EPHA5: variants seen among roughly 807,000 people sequenced by gnomAD.
EPHA5 encodes ephrin type-A receptor 5.
A neutral mutation model predicts 105.0 loss-of-function variants in EPHA5; 60 were observed. That is an observed-to-expected ratio of 0.57 (90% CI 0.46 to 0.71). The LOEUF is 0.71. Among genes scored for constraint, EPHA5 ranks in the 30% least tolerant of loss-of-function variants. The pLI is 0.00. For missense variants in EPHA5, 1,218 were observed against 1,274.7 expected, an observed-to-expected ratio of 0.96 and a Z score of 0.68; for synonymous variants, 513 against 449.1, an observed-to-expected ratio of 1.14 and a Z score of -1.80.
At chr4:65,505,511 T>A (rs1732921334) in intron 3 of EPHA5, among the ~76,000 whole-genome samples, 1 of 152,098 alleles carries the variant, frequency 6.6e-6, no homozygotes, top group African/African-American at 2.4e-5. Context: ...GACTTTTAAA[T>A]TTTAAGTGAT....
At chr4:65,450,213 G>C (rs922916855) in intron 5 of EPHA5, among the ~76,000 whole-genome samples, 12 of 152,180 alleles carry the variant, frequency 7.9e-5, no homozygotes, top group African/African-American at 2.4e-4. Flanking sequence ...GATTGTGAGA[G>C]AGAAGAAATT....
At chr4:65,554,548 ATAAT>A (rs1164466685) in intron 3 of EPHA5, among the ~76,000 whole-genome samples, 3 of 151,460 alleles carry the variant, frequency 2.0e-5, no homozygotes, top group Non-Finnish European at 4.4e-5. Flanking sequence ...AAAAATATAA[ATAAT>A]TATAATAAAT....
chr4:65,390,925 T>A (rs1720653553), intron 8 of EPHA5, among the ~76,000 whole-genome samples: 1 of 152,144 alleles, frequency 6.6e-6, no homozygotes, highest in South Asian at 2.1e-4. Context: ...TTCATACTGC[T>A]ATAAAGAACT....
At position 65,596,725 on chromosome 4, in the gene EPHA5, G is replaced by A. The variant is rs193191101; in HGVS notation, c.910+4916C>T. ...ACACACACCAACACAACACACACAGGCACCATTGATATTCTGTACTTCCAT... is the reference window on the plus strand; with the variant it reads ...ACACACACCAACACAACACACACAGACACCATTGATATTCTGTACTTCCAT... On this transcript the variant is annotated intron_variant, in intron 3 of 16. Coordinates refer to ENST00000613740, the MANE Select transcript of EPHA5 (RefSeq NM_001281766.3). Among the ~76,000 whole-genome samples the A allele has an allele frequency of 7.3e-5, 11 of 150,078 alleles. No individual in the cohort carries two copies. The East Asian group carries it at 2.2e-3, about 30-fold the overall frequency.
At chr4:65,481,629 T>C (rs986035575) in intron 5 of EPHA5, among the ~76,000 whole-genome samples, 11 of 152,184 alleles carry the variant, frequency 7.2e-5, no homozygotes, top group Non-Finnish European at 1.6e-4. Flanking sequence ...CAACATCCTC[T>C]TGGGAGCCAA....
intron 3 of EPHA5, among the ~76,000 whole-genome samples, chr4:65,508,028 A>G (rs916805605): frequency 6.6e-6 from 1 of 152,104 alleles, no homozygotes; most frequent in Admixed American, 6.6e-5. Context: ...TCATATAAAT[A>G]TGATGAAAAA....
intron 5 of EPHA5, among the ~76,000 whole-genome samples, chr4:65,436,489 T>TA (rs1725495697): frequency 6.6e-6 from 1 of 151,974 alleles, no homozygotes. Flanking sequence ...ATCTCCTATT[T>TA]TTAAATCACC....
intron 2 of EPHA5, among the ~76,000 whole-genome samples, chr4:65,609,405 T>C (rs756577441): frequency 5.3e-5 from 8 of 152,180 alleles, no homozygotes; most frequent in Admixed American, 1.3e-4. Flanking sequence ...ATTTTCTGTG[T>C]ATGAAATAAA....
intron 3 of EPHA5, among the ~76,000 whole-genome samples, chr4:65,543,231 G>A (rs966132915): frequency 6.6e-6 from 1 of 151,976 alleles, no homozygotes; most frequent in African/African-American, 2.4e-5. Flanking sequence ...GGGCAATCAG[G>A]TAAGAGAAAG....
Position 65,404,348 on chromosome 4 carries a change from T to A in EPHA5, c.1793+26A>T, listed in dbSNP as rs1272482712. 3 of 1,596,086 alleles carry A rather than the reference T, an allele frequency of 1.9e-6. No individual in the cohort carries two copies. The Admixed American group carries it at 5.0e-5, about 27-fold the overall frequency. ...GTGAGGAAGAGATCAGCTGCAGAAC[T>A]TCAGAATCACAGCTTCCTCTCTTAC... is the stretch of plus-strand genomic sequence containing the variant. On this transcript the variant is annotated intron_variant, in intron 8 of 16. Coordinates refer to ENST00000613740, the MANE Select transcript of EPHA5 (RefSeq NM_001281766.3).
chr4:65,345,954 A>G (rs536971428), intron 14 of EPHA5, among the ~76,000 whole-genome samples: 1 of 151,852 alleles, frequency 6.6e-6, no homozygotes, highest in East Asian at 1.9e-4. Flanking sequence ...TTGTATTTTT[A>G]GTAGAGACAG....
intron 1 of EPHA5, among the ~76,000 whole-genome samples, chr4:65,667,400 G>C (rs1358559572): frequency 6.6e-6 from 1 of 152,100 alleles, no homozygotes; most frequent in Non-Finnish European, 1.5e-5. Flanking sequence ...AAGTATAATA[G>C]TGACATATTA....
intron 5 of EPHA5, among the ~76,000 whole-genome samples, chr4:65,469,814 G>T (rs1729110862): frequency 6.6e-6 from 1 of 152,042 alleles, no homozygotes; most frequent in Non-Finnish European, 1.5e-5. Flanking sequence ...GAATATGTAA[G>T]AATTTTAAGA....
chr4:65,353,088 A>C lies in EPHA5; in HGVS notation c.2189T>G (p.Ile730Ser). 1 of 1,560,760 alleles carries C rather than the reference A, an allele frequency of 6.4e-7. No individual in the cohort carries two copies. Among genetic ancestry groups the C allele is most frequent in the Non-Finnish European group, 8.7e-7 (1 of 1,155,750 alleles). ...GVVTKSKPVM[I>S]VTEYMENGSL... The stretch of plus-strand genomic sequence containing the variant: ...GCCATTCTCCATATACTCTGTCACG[A>C]TCATCACTGGTTTACCTGAAAAGAA... The change falls in exon 12 of 17, where the codon ATC becomes AGC. Residue 730 changes from isoleucine to serine, a missense_variant. By Grantham distance (142) the Ile-to-Ser change is moderately radical. This residue lies in a region of EPHA5 where 971 missense variants were observed against 1,013.5 expected (regional missense o/e 0.96). Coordinates refer to ENST00000613740, the MANE Select transcript of EPHA5 (RefSeq NM_001281766.3).
intron 3 of EPHA5, among the ~76,000 whole-genome samples, chr4:65,591,505 T>G (rs1273139940): frequency 6.6e-6 from 1 of 152,056 alleles, no homozygotes; most frequent in African/African-American, 2.4e-5. Context: ...CATACTCATT[T>G]CTCAGAATTA....
intron 8 of EPHA5, among the ~76,000 whole-genome samples, chr4:65,375,774 AACACACACACATAC>A (rs1248023835): frequency 2.4e-5 from 3 of 123,688 alleles, no homozygotes; most frequent in African/African-American, 3.3e-5. Flanking sequence ...ATAGCACAGA[AACACACACACATAC>A]ACACACACAC....
At chr4:65,400,636 T>C (rs1721721910) in intron 8 of EPHA5, among the ~76,000 whole-genome samples, 1 of 152,084 alleles carries the variant, frequency 6.6e-6, no homozygotes, top group South Asian at 2.1e-4. Flanking sequence ...GATTAAAAAG[T>C]CTCTATATTT....
At chr4:65,576,047 AAAG>A (rs1740922046) in intron 3 of EPHA5, among the ~76,000 whole-genome samples, 9 of 108,638 alleles carry the variant, frequency 8.3e-5, no homozygotes, top group African/African-American at 2.2e-4. Flanking sequence ...AGAAAGAAAG[AAAG>A]AAAGAAAGAA....
intron 5 of EPHA5, among the ~76,000 whole-genome samples, chr4:65,432,751 A>T (rs541284789): frequency 9.9e-5 from 15 of 151,978 alleles, no homozygotes; most frequent in Non-Finnish European, 1.9e-4. Flanking sequence ...TATTTATTTA[A>T]TTAATAAAAT....
Sources: gnomAD v4.1 joint callset for allele counts (sites outside exome capture counted in the v4.1 genomes callset) on GRCh38, gnomAD v4.1.1 for gene constraint, gnomAD v4.1.1 regional missense constraint, MANE v1.5 for transcripts, NCBI Gene and HGNC (gene_info 2026-07-23, HGNC 2026-07-21) for gene names.